Variants in DRC7 observed in about 807,000 individuals in gnomAD.
DRC7 encodes coiled-coil domain containing 135.
DRC7 carries 80 observed loss-of-function variants against 104.4 expected under a neutral mutation model. The ratio of observed to expected loss-of-function variants is 0.77; its 90% CI spans 0.64 to 0.92. DRC7 has a LOEUF of 0.92. Among genes scored for constraint, DRC7 ranks in the 40% least tolerant of loss-of-function variants. DRC7 has a pLI of 0.00. For missense variants in DRC7, 1,034 were observed against 1,141.1 expected (o/e 0.91, Z 1.35); for synonymous variants, 405 against 447.3 (o/e 0.91, Z 1.19).
chr16:57,714,984 C>G (rs1597803942), intron 8 of DRC7: 2 of 311,480 alleles, frequency 6.4e-6, no homozygotes, highest in Middle Eastern at 9.2e-4. Flanking sequence ...AGTGACATTT[C>G]TATAGTCCCA....
At chr16:57,706,385 TC>T (rs1222774274) in intron 7 of DRC7, among the ~76,000 whole-genome samples, 1 of 128,336 alleles carries the variant, frequency 7.8e-6, no homozygotes, top group African/African-American at 3.0e-5. Context: ...CCATCCACCC[TC>T]CTACCCACTG....
rs1426115606 is a variant in DRC7 at position 57,698,124 on chromosome 16, A to G, written c.175A>G (p.Ile59Val). 1.2e-6 allele frequency: 2 copies of G among 1,614,144 alleles called. No individual in the cohort carries two copies. Among genetic ancestry groups the G allele is most frequent in the Non-Finnish European group, 8.5e-7 (1 of 1,180,028 alleles). Residue 59 changes from isoleucine to valine, a missense_variant, in exon 3 of 19, where the codon ATC becomes GTC. Transcript: ENST00000360716. The stretch of plus-strand genomic sequence containing the variant: ...AGACCTGGAGAAGAAGCTGTCAGAG[A>G]TCCAGATCACTGTCTCAGCGGAGCT... Reference protein sequence around the residue: ...LRDLEKKLSEIQITVSAELPA... With the variant: ...LRDLEKKLSEVQITVSAELPA...
At chr16:57,695,565 G>T (rs1337100930) in intron 1 of DRC7, among the ~76,000 whole-genome samples, 1 of 152,164 alleles carries the variant, frequency 6.6e-6, no homozygotes, top group African/African-American at 2.4e-5. Flanking sequence ...CATTGTCTCT[G>T]GGACCAAGAG....
chr16:57,705,752 C>CTCCTCCCATCCA (rs2048711414), intron 7 of DRC7, among the ~76,000 whole-genome samples: 2 of 53,744 alleles, frequency 3.7e-5, no homozygotes, highest in Admixed American at 1.5e-4. Flanking sequence ...CCTCTGATCT[C>CTCCTCCCATCCA]TCCTCCCATC....
chr16:57,720,110 C>G (rs761353688), intron 9 of DRC7, among the ~76,000 whole-genome samples: 20 of 152,098 alleles, frequency 1.3e-4, no homozygotes, highest in Non-Finnish European at 2.5e-4. Context: ...CATTTAAATC[C>G]CCACAGCCAC....
chr16:57,697,047 G>A (rs2048600048), intron 2 of DRC7, among the ~76,000 whole-genome samples: 1 of 152,026 alleles, frequency 6.6e-6, no homozygotes, highest in African/African-American at 2.4e-5. Flanking sequence ...TGAGTAGCTG[G>A]GATTACAGGC....
chr16:57,700,612 A>G (rs1477688459), intron 5 of DRC7, among the ~76,000 whole-genome samples: 4 of 142,908 alleles, frequency 2.8e-5, no homozygotes, highest in African/African-American at 1.1e-4. Flanking sequence ...GCACCACTGC[A>G]CTCTAGCCTG....
intron 8 of DRC7, 109 bp from the exon 9 acceptor site, chr16:57,718,238 C>T (rs1161770419): frequency 7.0e-7 from 1 of 1,418,558 alleles, no homozygotes; most frequent in Non-Finnish European, 9.6e-7. Flanking sequence ...AAGCCCTGGG[C>T]CCAGGTCCCT....
intron 9 of DRC7, among the ~76,000 whole-genome samples, chr16:57,719,908 A>G (rs899016225): frequency 6.6e-6 from 1 of 152,222 alleles, no homozygotes; most frequent in Non-Finnish European, 1.5e-5. Context: ...TCAAACAGTA[A>G]GTGATCAAGA....
intron 7 of DRC7, among the ~76,000 whole-genome samples, chr16:57,706,390 C>G (rs2048727617): frequency 7.1e-6 from 1 of 141,318 alleles, no homozygotes; most frequent in East Asian, 2.3e-4. Flanking sequence ...CACCCTCCTA[C>G]CCACTGTTCT....
At chr16:57,727,684 T>A (rs1320118271) in intron 16 of DRC7, among the ~76,000 whole-genome samples, 9 of 152,218 alleles carry the variant, frequency 5.9e-5, no homozygotes, top group Admixed American at 3.9e-4. Context: ...CCACCTCTAC[T>A]CAGGGCTCCC....
At chr16:57,716,505 A>G (rs1248301804) in intron 8 of DRC7, among the ~76,000 whole-genome samples, 3 of 149,880 alleles carry the variant, frequency 2.0e-5, no homozygotes, top group African/African-American at 7.3e-5. Flanking sequence ...TCCATCTGAA[A>G]AAAAAAAAAA....
intron 8 of DRC7, among the ~76,000 whole-genome samples, chr16:57,712,456 G>T (rs1039777391): frequency 6.6e-6 from 1 of 152,162 alleles, no homozygotes; most frequent in African/African-American, 2.4e-5. Flanking sequence ...CAGCTTGGAA[G>T]TCAAGTCCCA....
At chr16:57,713,948 C>T in intron 8 of DRC7, 1 of 192,634 alleles carries the variant, frequency 5.2e-6, no homozygotes, top group Admixed American at 5.1e-5. Context: ...ACATTGCCAG[C>T]ATTGATGGGA....
chr16:57,729,221 A>C (rs1308658885), intron 17 of DRC7, among the ~76,000 whole-genome samples: 15 of 18,352 alleles, frequency 8.2e-4, no homozygotes, highest in African/African-American at 3.6e-3. Context: ...TGAATGGATG[A>C]GTGGGTGGGT....
Position 57,699,004 on chromosome 16 carries a change from C to G in DRC7, c.358C>G (p.Leu120Val). The change falls in exon 4 of 19, where the codon CTG (leucine) becomes GTG (valine). Residue 120 changes from leucine (L) to valine (V), a missense_variant. Physicochemically the swap from Leu to Val is conservative, Grantham distance 32. Transcript: ENST00000360716. ...CCGCGTGCCCCTCTTCCTGCACCCC[C>G]TGAACGAGTGTGAAGTGCCCGTAAG... ...PDRVPLFLHP[L>V]NECEVPKFVS... 6.2e-7 allele frequency: 1 copy of G among 1,614,138 alleles called. No individual in the cohort carries two copies.
In DRC7 at chr16:57,697,958, C is replaced by T; in HGVS notation, c.9C>T (p.Val3=). Residue 3 remains valine, a synonymous_variant, in exon 3 of 19, where the codon GTC becomes GTT. Coordinates refer to ENST00000360716, the MANE Select transcript of DRC7 (RefSeq NM_001289162.2). ...CCCAGAGACGCTCCAGAATGGAGGT[C>T]CTGAGGGAGAAGGTGGAGGAGGAGG... ME[V]LREKVEEEEE... 6.2e-7 allele frequency: 1 copy of T among 1,612,196 alleles called. No individual in the cohort carries two copies. The highest frequency in any genetic ancestry group is 8.5e-7 in the Non-Finnish European group (1 of 1,179,742).
At chr16:57,699,080 G>A (rs769748055) in intron 4 of DRC7, 56 bp downstream of exon 4, 4 of 1,576,816 alleles carry the variant, frequency 2.5e-6, no homozygotes, top group East Asian at 2.2e-5. Context: ...AGAGCAGAGG[G>A]CACAGGGAAG....
At chr16:57,698,271 A>G in intron 3 of DRC7, 119 bp downstream of exon 3, 22 of 1,459,360 alleles carry the variant, frequency 1.5e-5, no homozygotes, top group Non-Finnish European at 1.9e-5. Flanking sequence ...GGAAGCAGTT[A>G]TGAGTGAAGG....
Sources: gnomAD v4.1 joint callset for allele counts (sites outside exome capture counted in the v4.1 genomes callset) on GRCh38, gnomAD v4.1.1 for gene constraint, MANE v1.5 for transcripts, NCBI Gene and HGNC (gene_info 2026-07-23, HGNC 2026-07-21) for gene names.